Variants in C1orf21 observed in about 807,000 individuals in gnomAD.
C1orf21 encodes the protein chromosome 1 open reading frame 21.
Under a neutral mutation model 18.7 loss-of-function variants are expected in C1orf21, and 3 were observed. That is an observed-to-expected ratio of 0.16 (90% CI 0.07 to 0.42). C1orf21 has a LOEUF of 0.42. C1orf21 is among the 10% of genes least tolerant of loss of function. The pLI, the probability that C1orf21 is intolerant of heterozygous loss-of-function variation, is 0.99. For missense variants in C1orf21, 104 were observed against 143.6 expected (o/e 0.72, Z 1.41); for synonymous variants, 41 against 46.4 (o/e 0.88, Z 0.47).
chr1:184,510,967 G>A (rs1226698631), intron 3 of C1orf21, among the ~76,000 whole-genome samples: 1 of 152,184 alleles, frequency 6.6e-6, no homozygotes, highest in African/African-American at 2.4e-5. Context: ...GGTTGCAGAA[G>A]TAGAAGCACA....
At chr1:184,556,027 A>G (rs1196559921) in intron 3 of C1orf21, among the ~76,000 whole-genome samples, 1 of 152,084 alleles carries the variant, frequency 6.6e-6, no homozygotes, top group Non-Finnish European at 1.5e-5. Context: ...TCTGTAAGAA[A>G]TGTCCTAATA....
chr1:184,426,927 G>T (rs1017705295), intron 1 of C1orf21, among the ~76,000 whole-genome samples: 3 of 152,162 alleles, frequency 2.0e-5, no homozygotes, highest in Non-Finnish European at 4.4e-5. Flanking sequence ...GTGTGCAGGG[G>T]CTGGGTACTT....
chr1:184,445,883 A>G (rs1279852106), intron 1 of C1orf21, among the ~76,000 whole-genome samples: 1 of 152,186 alleles, frequency 6.6e-6, no homozygotes, highest in African/African-American at 2.4e-5. Flanking sequence ...CATAACAATT[A>G]CATTAACATA....
intron 1 of C1orf21, among the ~76,000 whole-genome samples, chr1:184,451,339 G>A (rs1202960130): frequency 6.6e-6 from 1 of 151,950 alleles, no homozygotes; most frequent in Non-Finnish European, 1.5e-5. Context: ...CTCCCAGACT[G>A]GAGTGCAACG....
At chr1:184,452,695 A>G (rs961379857) in intron 1 of C1orf21, among the ~76,000 whole-genome samples, 2 of 152,232 alleles carry the variant, frequency 1.3e-5, no homozygotes, top group African/African-American at 4.8e-5. Flanking sequence ...AAGAAGTTCC[A>G]TGAATCTCTT....
intron 1 of C1orf21, among the ~76,000 whole-genome samples, chr1:184,462,232 A>C (rs1308196424): frequency 6.6e-6 from 1 of 152,218 alleles, no homozygotes; most frequent in Non-Finnish European, 1.5e-5. Context: ...TAGGGCATAC[A>C]AAGCATATGT....
In C1orf21 at chr1:184,404,545, C is replaced by T. The variant is rs1346831672; in HGVS notation, c.-125+17177C>T. Among the ~76,000 whole-genome samples, 3 of 152,112 alleles carry T rather than the reference C, an allele frequency of 2.0e-5. No individual in the cohort carries two copies. The East Asian group carries it at 5.8e-4, about 29-fold the overall frequency. On this transcript the variant is annotated intron_variant, in intron 1 of 5. Coordinates refer to ENST00000235307, the MANE Select transcript of C1orf21 (RefSeq NM_030806.4). Reference sequence around the variant, plus strand: ...GGCTGGAGTTGCCCTTCTTTTCTGGCACCAATTCTACCCATGAGAGTAGAG... The same window carrying T: ...GGCTGGAGTTGCCCTTCTTTTCTGGTACCAATTCTACCCATGAGAGTAGAG...
At chr1:184,580,133 A>G (rs988154467) in intron 3 of C1orf21, among the ~76,000 whole-genome samples, 2 of 151,836 alleles carry the variant, frequency 1.3e-5, no homozygotes, top group Non-Finnish European at 2.9e-5. Flanking sequence ...AACATCCCTA[A>G]AAATTTTTGC....
chr1:184,464,220 T>C (rs1657353113), intron 1 of C1orf21, among the ~76,000 whole-genome samples: 1 of 152,224 alleles, frequency 6.6e-6, no homozygotes, highest in Non-Finnish European at 1.5e-5. Context: ...GCTGGTGATA[T>C]ACCACAGGGG....
Position 184,455,582 on chromosome 1 carries a change from C to T in C1orf21, c.-124-21804C>T, listed in dbSNP as rs138962718. On this transcript the variant is annotated intron_variant, in intron 1 of 5. Coordinates refer to ENST00000235307, the MANE Select transcript of C1orf21 (RefSeq NM_030806.4). Reference sequence around the variant, plus strand: ...TACAGGTGTTTTTTCCCTTTGGGGACAGCGTGAAAATACTGCCATCAATGA... The same window carrying T: ...TACAGGTGTTTTTTCCCTTTGGGGATAGCGTGAAAATACTGCCATCAATGA... Among the ~76,000 whole-genome samples the T allele has an allele frequency of 9.7e-4, 148 of 152,266 alleles. No homozygotes were observed. In the East Asian group the frequency reaches 0.015, roughly 16 times the overall value.
chr1:184,611,577 C>A (rs536483181), intron 5 of C1orf21, among the ~76,000 whole-genome samples: 4 of 152,318 alleles, frequency 2.6e-5, no homozygotes, highest in African/African-American at 7.2e-5. Flanking sequence ...CTGAAACATA[C>A]AGATTCTTAT....
intron 1 of C1orf21, among the ~76,000 whole-genome samples, chr1:184,407,575 T>A (rs1439638719): frequency 6.6e-6 from 1 of 152,160 alleles, no homozygotes; most frequent in Non-Finnish European, 1.5e-5. Flanking sequence ...TGAGTGCTCA[T>A]GAGTCCAGAA....
At chr1:184,414,367 A>G (rs1007142136) in intron 1 of C1orf21, among the ~76,000 whole-genome samples, 3 of 152,082 alleles carry the variant, frequency 2.0e-5, no homozygotes, top group Admixed American at 6.6e-5. Context: ...GGGCTCAAGC[A>G]TTTCTCCTGC....
intron 2 of C1orf21, among the ~76,000 whole-genome samples, chr1:184,480,801 G>T (rs1657642019): frequency 1.3e-5 from 2 of 152,204 alleles, no homozygotes; most frequent in Non-Finnish European, 2.9e-5. Flanking sequence ...ATGGCATTCA[G>T]AGGAGGGAGT....
At chr1:184,507,483 C>T in intron 2 of C1orf21, 105 bp from the exon 3 acceptor site, 1 of 899,638 alleles carries the variant, frequency 1.1e-6, no homozygotes. Context: ...ATGAAGGCCA[C>T]AGGTGAAAGG....
chr1:184,468,716 C>T (rs1293261886), intron 1 of C1orf21, among the ~76,000 whole-genome samples: 6 of 151,622 alleles, frequency 4.0e-5, no homozygotes, highest in African/African-American at 1.2e-4. Flanking sequence ...GTCAGGAGTT[C>T]AAGACTAGCC....
At chr1:184,470,569 A>G (rs1246982694) in intron 1 of C1orf21, among the ~76,000 whole-genome samples, 1 of 152,142 alleles carries the variant, frequency 6.6e-6, no homozygotes, top group Non-Finnish European at 1.5e-5. Context: ...TACCTTTGGT[A>G]TTCTGGGTCT....
chr1:184,560,527 T>G (rs1051291763), intron 3 of C1orf21, among the ~76,000 whole-genome samples: 1 of 152,228 alleles, frequency 6.6e-6, no homozygotes, highest in African/African-American at 2.4e-5. Flanking sequence ...AAACTTTTCA[T>G]TTCAAATATT....
At chr1:184,560,490 C>T (rs1658947793) in intron 3 of C1orf21, among the ~76,000 whole-genome samples, 1 of 152,148 alleles carries the variant, frequency 6.6e-6, no homozygotes, top group African/African-American at 2.4e-5. Context: ...GAAGAAAAGG[C>T]AAATCAGAAT....
Sources: allele counts gnomAD v4.1 joint callset (sites outside exome capture counted in the v4.1 genomes callset), GRCh38; gene constraint gnomAD v4.1.1; transcripts MANE v1.5; gene names NCBI Gene and HGNC (gene_info 2026-07-23, HGNC 2026-07-21).